RIMS2: variants seen among roughly 807,000 people sequenced by gnomAD.
RIMS2 encodes the protein regulating synaptic membrane exocytosis 2, also known as regulating synaptic membrane exocytosis protein 2.
RIMS2 carries 59 observed loss-of-function variants against 174.4 expected under a neutral mutation model. The ratio of observed to expected loss-of-function variants is 0.34; its 90% CI spans 0.27 to 0.42. RIMS2 has a LOEUF of 0.42. Ranked by LOEUF, RIMS2 falls within the 10% of genes least tolerant of loss-of-function variation. RIMS2 has a pLI of 1.00. For missense variants in RIMS2, 1,620 were observed against 1,666.3 expected (o/e 0.97, Z 0.48); for synonymous variants, 606 against 572.5 (o/e 1.06, Z -0.84).
At chr8:103,823,251 C>T (rs900957676) in intron 3 of RIMS2, among the ~76,000 whole-genome samples, 2 of 151,646 alleles carry the variant, frequency 1.3e-5, no homozygotes, top group African/African-American at 2.4e-5. Context: ...TCTCCGTATA[C>T]GTACAATGAG....
At chr8:103,869,062 T>C (rs953718095) in intron 3 of RIMS2, among the ~76,000 whole-genome samples, 1 of 152,192 alleles carries the variant, frequency 6.6e-6, no homozygotes, top group Middle Eastern at 3.2e-3. Context: ...TTAAGATTGA[T>C]AGTTTCCCTG....
chr8:103,715,158 T>C (rs928298747), intron 2 of RIMS2, among the ~76,000 whole-genome samples: 2 of 152,204 alleles, frequency 1.3e-5, no homozygotes, highest in Non-Finnish European at 2.9e-5. Context: ...ATGTTGTTTT[T>C]ATTTTTAATT....
intron 3 of RIMS2, among the ~76,000 whole-genome samples, chr8:103,874,770 C>T (rs2099127861): frequency 6.6e-6 from 1 of 152,064 alleles, no homozygotes; most frequent in Non-Finnish European, 1.5e-5. Context: ...AGACATGCCT[C>T]TTAGTTGATA....
chr8:103,948,644 A>T (rs563665801), intron 14 of RIMS2, among the ~76,000 whole-genome samples: 2 of 152,292 alleles, frequency 1.3e-5, no homozygotes, highest in South Asian at 4.2e-4. Context: ...ATTGAGACAG[A>T]TTAAGTTAGC....
chr8:103,588,185 C>T (rs1448391064), intron 1 of RIMS2, among the ~76,000 whole-genome samples: 2 of 151,510 alleles, frequency 1.3e-5, no homozygotes, highest in African/African-American at 4.8e-5. Flanking sequence ...TAGAAATTAG[C>T]TTAATCAAAG....
intron 19 of RIMS2, among the ~76,000 whole-genome samples, chr8:104,067,508 AG>A (rs2097126165): frequency 1.3e-5 from 2 of 152,022 alleles, no homozygotes; most frequent in South Asian, 4.1e-4. Context: ...ATCCAGCCTC[AG>A]CCTCCCAGGA....
chr8:104,093,349 A>C (rs763255934), intron 19 of RIMS2, 122 bp from the exon 24 acceptor site: 8 of 627,640 alleles, frequency 1.3e-5, no homozygotes, highest in Non-Finnish European at 2.1e-5. Context: ...TTTATATGCA[A>C]CTGAGTGGGA....
At chr8:104,204,978 T>C (rs2099073057) in intron 19 of RIMS2, among the ~76,000 whole-genome samples, 1 of 152,168 alleles carries the variant, frequency 6.6e-6, no homozygotes, top group South Asian at 2.1e-4. Context: ...AGCAGAAGTC[T>C]TAATTGAAGG....
intron 19 of RIMS2, among the ~76,000 whole-genome samples, chr8:104,236,813 G>A (rs2099261370): frequency 6.6e-6 from 1 of 152,006 alleles, no homozygotes; most frequent in African/African-American, 2.4e-5. Flanking sequence ...AATGTAATGT[G>A]GTATCCTGGA....
At chr8:103,997,721 ATTG>A (rs1565756547) in intron 17 of RIMS2, among the ~76,000 whole-genome samples, 1 of 151,752 alleles carries the variant, frequency 6.6e-6, no homozygotes, top group Non-Finnish European at 1.5e-5. Context: ...ATTAAATGGA[ATTG>A]TTAAGGCCCT....
At chr8:103,568,787 T>C in intron 1 of RIMS2, 1 of 1,144,716 alleles carries the variant, frequency 8.7e-7, no homozygotes, top group Non-Finnish European at 1.3e-6. Context: ...GAATGTCTTT[T>C]GCTGTTTGTG....
chr8:103,957,490 A>C lies in RIMS2; in HGVS notation c.2702-3575A>C, dbSNP rs113084571. Among the ~76,000 whole-genome samples the C allele has an allele frequency of 4.3e-3, 659 of 152,340 alleles. 7 individuals carry two copies. The highest frequency in any genetic ancestry group is 0.015 in the African/African-American group (618 of 41,580). The stretch of plus-strand genomic sequence containing the variant: ...GATGGCATTGGAAACCATCATTCTC[A>C]GTAAACTAACACAAGAACAGAAAAT... On this transcript the variant is annotated intron_variant, in intron 14 of 23. Transcript: ENST00000504942.
intron 19 of RIMS2, among the ~76,000 whole-genome samples, chr8:104,049,403 C>T (rs1351678402): frequency 6.6e-6 from 1 of 151,956 alleles, no homozygotes; most frequent in Non-Finnish European, 1.5e-5. Context: ...CCAGCCTGGG[C>T]GACAGAGCGG....
intron 3 of RIMS2, among the ~76,000 whole-genome samples, chr8:103,864,194 TA>T (rs1187798129): frequency 1.3e-5 from 2 of 152,120 alleles, no homozygotes; most frequent in African/African-American, 2.4e-5. Context: ...AGTTCATCAT[TA>T]TTTTTTTTTT....
intron 19 of RIMS2, among the ~76,000 whole-genome samples, chr8:104,146,956 A>G (rs2098645613): frequency 6.6e-6 from 1 of 152,050 alleles, no homozygotes; most frequent in African/African-American, 2.4e-5. Flanking sequence ...CAGCCTCCCT[A>G]AGTGCTAGTA....
At chr8:104,236,927 A>G (rs2099261978) in intron 19 of RIMS2, among the ~76,000 whole-genome samples, 1 of 152,118 alleles carries the variant, frequency 6.6e-6, no homozygotes, top group Admixed American at 6.6e-5. Context: ...AATTTACCAT[A>G]CCTATGTAAG....
intron 2 of RIMS2, among the ~76,000 whole-genome samples, chr8:103,755,290 A>C (rs1392258700): frequency 3.3e-5 from 5 of 152,216 alleles, no homozygotes; most frequent in Admixed American, 3.3e-4. Flanking sequence ...GTTTCTGCCA[A>C]GATATCCACT....
intron 2 of RIMS2, among the ~76,000 whole-genome samples, chr8:103,726,911 G>T (rs1486646460): frequency 2.0e-5 from 3 of 150,818 alleles, no homozygotes; most frequent in African/African-American, 7.3e-5. Context: ...GCTAATTTTT[G>T]TATTTTTAAT....
chr8:103,566,490 T>A (rs932913262), intron 1 of RIMS2, among the ~76,000 whole-genome samples: 3 of 152,096 alleles, frequency 2.0e-5, no homozygotes, highest in East Asian at 1.9e-4. Context: ...GAAAATGGAG[T>A]GTATAACATG....
Sources: gnomAD v4.1 joint callset for allele counts (sites outside exome capture counted in the v4.1 genomes callset) on GRCh38, gnomAD v4.1.1 for gene constraint, MANE v1.5 for transcripts, NCBI Gene and HGNC (gene_info 2026-07-23, HGNC 2026-07-21) for gene names.